The following UNC5C variants were observed in gnomAD, a reference collection of about 807,000 sequenced individuals.
The protein encoded by UNC5C is netrin receptor UNC5C.
In UNC5C, 47 loss-of-function variants were observed where a neutral mutation model predicts 99.8. The observed-to-expected ratio is 0.47, with a 90% confidence interval of 0.37 to 0.60. UNC5C has a LOEUF of 0.60. UNC5C is among the 20% of genes least tolerant of loss of function. The pLI is 0.00. For synonymous variants in UNC5C, 487 were observed against 452.2 expected (o/e 1.08, Z -0.98); for missense variants, 1,062 against 1,165.9 (o/e 0.91, Z 1.30).
rs1336912497 is a variant in UNC5C at position 95,166,880 on chromosome 4, C to T, written c.*2354G>A. On this transcript the variant is annotated 3_prime_UTR_variant, in exon 16 of 16. Coordinates refer to ENST00000453304, the MANE Select transcript of UNC5C (RefSeq NM_003728.4). ...AGTTTTACTCATTGCTACAAACATC[C>T]ACTGAACTTGTTTATAGTGCAATCT... The T allele has an allele frequency of 1.3e-5, 2 of 152,090 alleles. No homozygotes were observed. The highest frequency in any genetic ancestry group is 4.8e-5 in the African/African-American group (2 of 41,410). The allele number at this position is 152,090 out of a possible 1,614,324, so 9.4% of individuals were successfully genotyped here. A position where few individuals can be genotyped will look rare whatever the true frequency, so the allele number is the denominator to read the frequency against.
At chr4:95,499,957 A>G (rs1721737001) in intron 1 of UNC5C, among the ~76,000 whole-genome samples, 1 of 117,502 alleles carries the variant, frequency 8.5e-6, no homozygotes, top group Non-Finnish European at 1.8e-5. Flanking sequence ...AAATTTCAGG[A>G]AACAGTAGGC....
At chr4:95,212,681 C>G (rs181505523) in intron 10 of UNC5C, among the ~76,000 whole-genome samples, 2 of 152,154 alleles carry the variant, frequency 1.3e-5, no homozygotes, top group African/African-American at 2.4e-5. Context: ...AATCCACATC[C>G]CCACTCACAC....
At chr4:95,390,912 C>T (rs1387583842) in intron 1 of UNC5C, among the ~76,000 whole-genome samples, 1 of 152,078 alleles carries the variant, frequency 6.6e-6, no homozygotes, top group Non-Finnish European at 1.5e-5. Flanking sequence ...TTGGCTGTGT[C>T]CCCACTCAAA....
At chr4:95,371,225 A>G (rs761582213) in intron 1 of UNC5C, among the ~76,000 whole-genome samples, 6 of 152,152 alleles carry the variant, frequency 3.9e-5, no homozygotes, top group Non-Finnish European at 8.8e-5. Flanking sequence ...ATGCTGTTTC[A>G]TAACGTTTCT....
chr4:95,497,743 T>A (rs1031290602), intron 1 of UNC5C, among the ~76,000 whole-genome samples: 3 of 152,044 alleles, frequency 2.0e-5, no homozygotes, highest in Non-Finnish European at 4.4e-5. Context: ...ATAATTATAA[T>A]GGTATTAGAG....
chr4:95,287,565 A>C (rs767844157), intron 3 of UNC5C, among the ~76,000 whole-genome samples: 4 of 152,210 alleles, frequency 2.6e-5, no homozygotes, highest in Non-Finnish European at 4.4e-5. Flanking sequence ...GAACCACTAC[A>C]TTCCCTTCCA....
chr4:95,474,290 G>A (rs999159927), intron 1 of UNC5C, among the ~76,000 whole-genome samples: 1 of 151,900 alleles, frequency 6.6e-6, no homozygotes, highest in Non-Finnish European at 1.5e-5. Flanking sequence ...TGTCATACAT[G>A]TAATTTTTCT....
intron 2 of UNC5C, among the ~76,000 whole-genome samples, chr4:95,316,144 A>T (rs1158673722): frequency 1.3e-5 from 2 of 152,326 alleles, no homozygotes; most frequent in Non-Finnish European, 2.9e-5. Context: ...AGAATCCTAA[A>T]AGGAAGATAG....
At chr4:95,483,242 TC>T (rs1359265903) in intron 1 of UNC5C, among the ~76,000 whole-genome samples, 1 of 151,680 alleles carries the variant, frequency 6.6e-6, no homozygotes, top group Non-Finnish European at 1.5e-5. Context: ...CTTCTGTCTT[TC>T]CTTCTTTGAC....
chr4:95,181,548 TG>T (rs951763081), intron 14 of UNC5C, among the ~76,000 whole-genome samples: 1 of 152,086 alleles, frequency 6.6e-6, no homozygotes, highest in African/African-American at 2.4e-5. Context: ...GCAGACCTGC[TG>T]GGCCTGGAAA....
At chr4:95,271,847 G>A (rs556901436) in intron 4 of UNC5C, among the ~76,000 whole-genome samples, 4 of 152,110 alleles carry the variant, frequency 2.6e-5, no homozygotes, top group Non-Finnish European at 5.9e-5. Context: ...CTGCGCCCTC[G>A]TTCCCTCTTT....
intron 1 of UNC5C, among the ~76,000 whole-genome samples, chr4:95,340,707 C>T (rs566410479): frequency 6.6e-6 from 1 of 152,180 alleles, no homozygotes; most frequent in African/African-American, 2.4e-5. Flanking sequence ...CATGCCCATA[C>T]ATTATTAATA....
At chr4:95,544,427 A>G (rs986820049) in intron 1 of UNC5C, among the ~76,000 whole-genome samples, 3 of 151,600 alleles carry the variant, frequency 2.0e-5, no homozygotes, top group African/African-American at 7.3e-5. Flanking sequence ...AAATTTTAGA[A>G]CCCCCCACCC....
intron 1 of UNC5C, among the ~76,000 whole-genome samples, chr4:95,440,287 G>A (rs115489500): frequency 0.016 from 2,381 of 152,236 alleles, 60 homozygotes; most frequent in African/African-American, 0.054. Flanking sequence ...GTTTCCCTAT[G>A]TGCTAGTATT....
At chr4:95,465,034 C>T (rs1560843132) in intron 1 of UNC5C, among the ~76,000 whole-genome samples, 1 of 152,170 alleles carries the variant, frequency 6.6e-6, no homozygotes, top group African/African-American at 2.4e-5. Context: ...GAACGTGTGT[C>T]CCCAGTGATG....
At chr4:95,397,613 A>G (rs952812366) in intron 1 of UNC5C, among the ~76,000 whole-genome samples, 9 of 152,238 alleles carry the variant, frequency 5.9e-5, no homozygotes. Context: ...TTGCAAATAG[A>G]AACTTACATA....
intron 14 of UNC5C, among the ~76,000 whole-genome samples, chr4:95,180,818 T>C (rs1368196085): frequency 2.0e-5 from 3 of 152,222 alleles, no homozygotes; most frequent in African/African-American, 7.2e-5. Flanking sequence ...CCCAGCCTCA[T>C]TGCCATCTTG....
At chr4:95,362,748 T>C (rs1343792410) in intron 1 of UNC5C, among the ~76,000 whole-genome samples, 1 of 152,140 alleles carries the variant, frequency 6.6e-6, no homozygotes, top group Non-Finnish European at 1.5e-5. Flanking sequence ...TCCTTGGCTT[T>C]GAAAAATATA....
In UNC5C at chr4:95,336,818, A is replaced by G. The variant is rs376086312; in HGVS notation, c.125-1187T>C. Among the ~76,000 whole-genome samples, 37 of 152,044 alleles carry G rather than the reference A, an allele frequency of 2.4e-4. No individual in the cohort carries two copies. In the South Asian group the frequency reaches 7.2e-3, roughly 30 times the overall value. The stretch of plus-strand genomic sequence containing the variant: ...TGTAAATGTTGTTTCCTATACCTAG[A>G]TATTTCTTCTCACTTTACCTCCTTA... On this transcript the variant is annotated intron_variant, in intron 1 of 15. Transcript: ENST00000453304.
Sources: gnomAD v4.1 joint callset for allele counts (sites outside exome capture counted in the v4.1 genomes callset) on GRCh38, gnomAD v4.1.1 for gene constraint, MANE v1.5 for transcripts, NCBI Gene and HGNC (gene_info 2026-07-23, HGNC 2026-07-21) for gene names.